ARHGAP22: variants seen among roughly 807,000 people sequenced by gnomAD.
The protein encoded by ARHGAP22 is Rho GTPase activating protein 22.
ARHGAP22 carries 48 observed loss-of-function variants against 59.1 expected under a neutral mutation model. That is an observed-to-expected ratio of 0.81 (90% CI 0.64 to 1.03). ARHGAP22 has a LOEUF of 1.03. Among genes scored for constraint, ARHGAP22 ranks in the 50% least tolerant of loss-of-function variants. The pLI is 0.00. For missense variants in ARHGAP22, 1,015 were observed against 958.7 expected (o/e 1.06, Z -0.78); for synonymous variants, 445 against 416.4 (o/e 1.07, Z -0.84).
intron 3 of ARHGAP22, among the ~76,000 whole-genome samples, chr10:48,555,146 G>C (rs2057207732): frequency 6.6e-6 from 1 of 152,070 alleles, no homozygotes; most frequent in South Asian, 2.1e-4. Flanking sequence ...TTTTTCCCTG[G>C]CTTTATTTCC....
chr10:48,617,190 T>G (rs1352598377), intron 1 of ARHGAP22, among the ~76,000 whole-genome samples: 1 of 151,980 alleles, frequency 6.6e-6, no homozygotes, highest in Non-Finnish European at 1.5e-5. Context: ...ACTGGACCAC[T>G]CAGATATACA....
At chr10:48,502,207 G>C (rs926689064) in intron 3 of ARHGAP22, among the ~76,000 whole-genome samples, 2 of 152,176 alleles carry the variant, frequency 1.3e-5, no homozygotes, top group Non-Finnish European at 2.9e-5. Context: ...CTCTCCCTAA[G>C]AATCTTCCTT....
chr10:48,623,689 C>G (rs908236815), intron 1 of ARHGAP22, among the ~76,000 whole-genome samples: 1 of 152,164 alleles, frequency 6.6e-6, no homozygotes, highest in African/African-American at 2.4e-5. Flanking sequence ...ACCCTGGACC[C>G]CTCACCAAGC....
At position 48,582,975 on chromosome 10, in the gene ARHGAP22, T is replaced by A; in HGVS notation, c.212A>T (p.Asp71Val). 1 of 1,614,250 alleles carries A rather than the reference T, an allele frequency of 6.2e-7. No individual in the cohort carries two copies. Among genetic ancestry groups the A allele is most frequent in the Non-Finnish European group, 8.5e-7 (1 of 1,180,042 alleles). The change falls in exon 2 of 10, where the codon GAC becomes GTC. Residue 71 changes from aspartate to valine, a missense_variant. Coordinates refer to ENST00000249601, the MANE Select transcript of ARHGAP22 (RefSeq NM_021226.4). ...LRGDQLFYYK[D>V]KDEIKPQGFI... ...CACCTGGGGCTTGATCTCATCTTTG[T>A]CCTTGTAGTAGAAAAGCTGATCCCC...
At chr10:48,539,601 A>C (rs918444734) in intron 3 of ARHGAP22, among the ~76,000 whole-genome samples, 7 of 152,172 alleles carry the variant, frequency 4.6e-5, no homozygotes, top group Non-Finnish European at 1.0e-4. Context: ...AACATTTTTA[A>C]CATTTATATT....
At chr10:48,594,602 G>T (rs935320581) in intron 1 of ARHGAP22, among the ~76,000 whole-genome samples, 3 of 152,140 alleles carry the variant, frequency 2.0e-5, no homozygotes, top group African/African-American at 7.2e-5. Flanking sequence ...TCCCAGGGGT[G>T]GGTGGTGGTT....
rs540273828 is a variant in ARHGAP22, at chr10:48,463,147, CA to C, written c.452-3257del. On this transcript the variant is annotated intron_variant, in intron 4 of 9. Coordinates refer to ENST00000249601, the MANE Select transcript of ARHGAP22 (RefSeq NM_021226.4). ...CAGGCCTGAGTTCCAAAAAAAGCAACAATTGCAGAGCTCAGTAGCATCTGTG... is the reference window on the plus strand; with the variant it reads ...CAGGCCTGAGTTCCAAAAAAAGCAACATTGCAGAGCTCAGTAGCATCTGTG... 2.3e-4 allele frequency among the ~76,000 whole-genome samples: 35 copies of C among 152,326 alleles called. 1 individual carries two copies. The South Asian group carries it at 4.8e-3, about 21-fold the overall frequency.
chr10:48,509,563 A>G (rs902936183), intron 3 of ARHGAP22, among the ~76,000 whole-genome samples: 1 of 152,236 alleles, frequency 6.6e-6, no homozygotes, highest in Non-Finnish European at 1.5e-5. Context: ...TCCAGCCAGG[A>G]CAATGGGGCC....
At chr10:48,518,207 G>C (rs778406371) in intron 3 of ARHGAP22, among the ~76,000 whole-genome samples, 1 of 152,098 alleles carries the variant, frequency 6.6e-6, no homozygotes, top group Non-Finnish European at 1.5e-5. Flanking sequence ...CCACATCCCA[G>C]CATGTGGTTC....
At position 48,533,779 on chromosome 10, in the gene ARHGAP22, G is replaced by C. The variant is rs528914670; in HGVS notation, c.322+21684C>G. ...GCAGGTGGCAAGCCAGATCTGGCCT[G>C]TGGACTGTACTTTACAGTGTTTTAA... On this transcript the variant is annotated intron_variant, in intron 3 of 9. Transcript: ENST00000249601. 2.6e-4 allele frequency among the ~76,000 whole-genome samples: 39 copies of C among 152,362 alleles called. 1 individual carries two copies. The highest frequency in any genetic ancestry group is 8.7e-4 in the African/African-American group (36 of 41,588).
At chr10:48,581,354 T>A (rs1240781853) in intron 2 of ARHGAP22, among the ~76,000 whole-genome samples, 8 of 152,240 alleles carry the variant, frequency 5.3e-5, no homozygotes, top group Admixed American at 5.2e-4. Flanking sequence ...CTCCCCAGTT[T>A]GCAAACTGTT....
At chr10:48,653,233 C>A (rs12247045), upstream of ARHGAP22, among the ~76,000 whole-genome samples, 1,255 of 152,298 alleles carry the variant, frequency 8.2e-3, 17 homozygotes, top group African/African-American at 0.028. Context: ...CCTGAAACAC[C>A]TTTCAATTGC....
chr10:48,613,053 C>T (rs561502865), intron 1 of ARHGAP22, among the ~76,000 whole-genome samples: 1 of 152,114 alleles, frequency 6.6e-6, no homozygotes, highest in South Asian at 2.1e-4. Flanking sequence ...TTCTCCCAAC[C>T]TTTTTTTTGT....
chr10:48,522,800 A>G (rs1346325076), intron 3 of ARHGAP22, among the ~76,000 whole-genome samples: 1 of 152,204 alleles, frequency 6.6e-6, no homozygotes, highest in Admixed American at 6.5e-5. Flanking sequence ...GCTCTGGGAC[A>G]ATGAGAACCT....
At chr10:48,450,152 T>G (rs536322266) in intron 9 of ARHGAP22, 109 bp downstream of exon 9, 8 of 1,432,296 alleles carry the variant, frequency 5.6e-6, no homozygotes, top group Non-Finnish European at 7.5e-6. Context: ...GAGGCTGGCT[T>G]CCAGGGCCAG....
intron 3 of ARHGAP22, among the ~76,000 whole-genome samples, chr10:48,522,163 C>T (rs1017254130): frequency 6.6e-6 from 1 of 152,246 alleles, no homozygotes; most frequent in Admixed American, 6.5e-5. Context: ...GTTCTCTCCT[C>T]CCTGCCAGAC....
chr10:48,479,600 G>T, intron 4 of ARHGAP22, 36 bp downstream of exon 4: 5 of 1,613,784 alleles, frequency 3.1e-6, no homozygotes, highest in Non-Finnish European at 4.2e-6. Context: ...GGAGGCAAGG[G>T]TTCTAGAGGG....
At chr10:48,543,207 G>A (rs528146064) in intron 3 of ARHGAP22, among the ~76,000 whole-genome samples, 14 of 152,342 alleles carry the variant, frequency 9.2e-5, no homozygotes, top group African/African-American at 3.4e-4. Context: ...ACATCCATTT[G>A]TGTGGCCATT....
At chr10:48,529,126 GA>G (rs2054594992) in intron 3 of ARHGAP22, among the ~76,000 whole-genome samples, 1 of 152,208 alleles carries the variant, frequency 6.6e-6, no homozygotes, top group Non-Finnish European at 1.5e-5. Context: ...TAGAAGACAT[GA>G]TGCAGCCTGT....
Sources: gnomAD v4.1 joint callset for allele counts (sites outside exome capture counted in the v4.1 genomes callset) on GRCh38, gnomAD v4.1.1 for gene constraint, MANE v1.5 for transcripts, NCBI Gene and HGNC (gene_info 2026-07-23, HGNC 2026-07-21) for gene names.